Variants in PCDHA9 observed in about 807,000 individuals in gnomAD.
PCDHA9 encodes the protein protocadherin alpha 9.
A neutral mutation model predicts 62.0 loss-of-function variants in PCDHA9; 62 were observed. The observed-to-expected ratio is 1.00, with a 90% CI of 0.81 to 1.23. The LOEUF (loss-of-function observed/expected upper bound fraction) is 1.23. PCDHA9 is among the 50% of genes most tolerant of loss of function. The pLI is 0.00. For missense variants in PCDHA9, 1,205 were observed against 1,249.8 expected, an observed-to-expected ratio of 0.96 and a Z score of 0.54; for synonymous variants, 557 against 567.6, an observed-to-expected ratio of 0.98 and a Z score of 0.27.
intron 1 of PCDHA9, chr5:140,883,601 G>T: frequency 1.2e-6 from 2 of 1,614,022 alleles, no homozygotes; most frequent in Non-Finnish European, 1.7e-6. Flanking sequence ...GTCGGTGGGG[G>T]TGGCCGACGT....
chr5:140,924,668 GC>G (rs2081945881), intron 1 of PCDHA9, among the ~76,000 whole-genome samples: 1 of 152,142 alleles, frequency 6.6e-6, no homozygotes, highest in Admixed American at 6.5e-5. Context: ...GCCGAGGCAG[GC>G]CAATCACTTG....
chr5:140,990,686 G>A (rs1391341936), intron 3 of PCDHA9, among the ~76,000 whole-genome samples: 1 of 152,124 alleles, frequency 6.6e-6, no homozygotes, highest in Admixed American at 6.5e-5. Context: ...AGCTGCTTTC[G>A]GAGAGTCCAG....
intron 1 of PCDHA9, among the ~76,000 whole-genome samples, chr5:140,902,660 C>A (rs1322922634): frequency 1.3e-5 from 2 of 152,116 alleles, no homozygotes; most frequent in Non-Finnish European, 2.9e-5. Flanking sequence ...GCACCTGTCA[C>A]CCAAGCAGTG....
At chr5:140,938,878 C>T (rs1324581693) in intron 1 of PCDHA9, among the ~76,000 whole-genome samples, 3 of 151,098 alleles carry the variant, frequency 2.0e-5, no homozygotes, top group Admixed American at 1.3e-4. Context: ...TAAGAAGCAA[C>T]ACACACACAC....
chr5:141,009,510 C>T (rs936602953), intron 3 of PCDHA9, 117 bp from the exon 4 acceptor site: 7 of 1,498,300 alleles, frequency 4.7e-6, no homozygotes, highest in Admixed American at 4.7e-5. Flanking sequence ...ACAAACAACT[C>T]GTGATTTTTC....
chr5:140,893,882 C>G (rs2064212921), intron 1 of PCDHA9, among the ~76,000 whole-genome samples: 1 of 152,140 alleles, frequency 6.6e-6, no homozygotes, highest in Non-Finnish European at 1.5e-5. Flanking sequence ...CCAAAGTGGC[C>G]AGAAAGTTAC....
chr5:140,968,208 AC>A, intron 1 of PCDHA9: 1 of 1,614,022 alleles, frequency 6.2e-7, no homozygotes, highest in Non-Finnish European at 8.5e-7. Context: ...ATACAGGAGA[AC>A]AATTTGCCAG....
At chr5:140,913,181 T>C (rs2076246657) in intron 1 of PCDHA9, among the ~76,000 whole-genome samples, 1 of 152,208 alleles carries the variant, frequency 6.6e-6, no homozygotes, top group Admixed American at 6.5e-5. Flanking sequence ...TCTTTAAATG[T>C]TTGGTAGAAT....
intron 1 of PCDHA9, chr5:140,877,501 A>T: frequency 6.2e-7 from 1 of 1,613,804 alleles, no homozygotes; most frequent in Non-Finnish European, 8.5e-7. Flanking sequence ...CCAGGCCCCA[A>T]AGACGTCGTC....
chr5:140,853,583 T>C lies in PCDHA9; in HGVS notation c.2394+2694T>C, dbSNP rs1298599428. Reference sequence around the variant, plus strand: ...AAAACTAAGTTGTCACCCAATATCTTAGACACTTTGAGAGCAAAGGGGGTG... The same window carrying C: ...AAAACTAAGTTGTCACCCAATATCTCAGACACTTTGAGAGCAAAGGGGGTG... On this transcript the variant is annotated intron_variant, in intron 1 of 3. Transcript: ENST00000532602. 16 of 985,202 alleles carry C rather than the reference T, an allele frequency of 1.6e-5. 2 individuals carry two copies. The highest frequency in any genetic ancestry group is 1.8e-5 in the Non-Finnish European group (15 of 817,512). The allele number at this position is 985,202 out of a possible 1,614,324, so 61.0% of individuals were successfully genotyped here. A position where few individuals can be genotyped will look rare whatever the true frequency, so the allele number is the denominator to read the frequency against.
intron 1 of PCDHA9, chr5:140,863,222 A>C: frequency 9.0e-7 from 1 of 1,110,392 alleles, no homozygotes; most frequent in Non-Finnish European, 1.3e-6. Flanking sequence ...CAAGCGAGGA[A>C]GGTCCCATCG....
intron 1 of PCDHA9, among the ~76,000 whole-genome samples, chr5:140,914,155 A>G (rs1432406316): frequency 6.6e-6 from 1 of 152,188 alleles, no homozygotes; most frequent in Admixed American, 6.5e-5. Flanking sequence ...GTTCTGTCCA[A>G]TACGGAAAGT....
intron 1 of PCDHA9, among the ~76,000 whole-genome samples, chr5:140,954,817 T>G (rs1461497595): frequency 1.3e-5 from 2 of 152,224 alleles, no homozygotes; most frequent in Non-Finnish European, 2.9e-5. Flanking sequence ...TGAAATTGCT[T>G]TAGGCACTTT....
chr5:140,888,355 T>C (rs1192266455), intron 1 of PCDHA9, among the ~76,000 whole-genome samples: 1 of 152,214 alleles, frequency 6.6e-6, no homozygotes, highest in Non-Finnish European at 1.5e-5. Context: ...GAATTGCTAC[T>C]GGCATCTAAT....
chr5:140,997,831 A>G (rs938860065), intron 3 of PCDHA9, among the ~76,000 whole-genome samples: 3 of 152,210 alleles, frequency 2.0e-5, no homozygotes, highest in African/African-American at 4.8e-5. Context: ...TTTCTAAACA[A>G]TACAATATAC....
chr5:141,001,670 C>T (rs1554258276), intron 3 of PCDHA9, among the ~76,000 whole-genome samples: 1 of 151,900 alleles, frequency 6.6e-6, no homozygotes, highest in African/African-American at 2.4e-5. Flanking sequence ...CTTGTCCAGT[C>T]GGTCCAACAA....
At chr5:141,004,142 G>C (rs1323224367) in intron 3 of PCDHA9, among the ~76,000 whole-genome samples, 1 of 152,214 alleles carries the variant, frequency 6.6e-6, no homozygotes, top group African/African-American at 2.4e-5. Flanking sequence ...TGCCCCAAAG[G>C]CATGACATTT....
intron 1 of PCDHA9, chr5:140,870,427 G>T: frequency 1.9e-6 from 3 of 1,614,220 alleles, no homozygotes; most frequent in Non-Finnish European, 2.5e-6. Context: ...CAGGGTATCC[G>T]TGGAGGTGGC....
chr5:140,853,247 C>G (rs985398812), intron 1 of PCDHA9: 3 of 975,930 alleles, frequency 3.1e-6, no homozygotes, highest in African/African-American at 3.5e-5. Context: ...ATATTAATCT[C>G]TATTCTCTCT....
Sources: allele counts gnomAD v4.1 joint callset (sites outside exome capture counted in the v4.1 genomes callset), GRCh38; gene constraint gnomAD v4.1.1; transcripts MANE v1.5; gene names NCBI Gene and HGNC (gene_info 2026-07-23, HGNC 2026-07-21).